C1orf94: variants seen among roughly 807,000 people sequenced by gnomAD.
C1orf94 encodes the protein chromosome 1 open reading frame 94, also known as uncharacterized protein C1orf94.
A neutral mutation model predicts 53.6 loss-of-function variants in C1orf94; 45 were observed. That is an observed-to-expected ratio of 0.84 (90% confidence interval 0.66 to 1.08). The LOEUF is 1.08. Among genes scored for constraint, C1orf94 ranks in the 50% least tolerant of loss-of-function variants. The pLI is 0.00. For synonymous variants in C1orf94, 304 were observed against 296.1 expected, an observed-to-expected ratio of 1.03 and a Z score of -0.27; for missense variants, 762 against 738.9, an observed-to-expected ratio of 1.03 and a Z score of -0.36.
chr1:34,200,749 A>G (rs1294274235), intron 2 of C1orf94, 23 bp from the exon 3 acceptor site: 1 of 1,613,090 alleles, frequency 6.2e-7, no homozygotes, highest in Non-Finnish European at 8.5e-7. Context: ...AGAGGCATTG[A>G]CTCAGTTTCT....
At chr1:34,184,688 G>C (rs371067413) in intron 1 of C1orf94, among the ~76,000 whole-genome samples, 1 of 152,216 alleles carries the variant, frequency 6.6e-6, no homozygotes, top group African/African-American at 2.4e-5. Context: ...TGGTGAGCAA[G>C]TGATATTTGG....
At position 34,178,139 on chromosome 1, in the gene C1orf94, A is replaced by G. The variant is rs559485545; in HGVS notation, c.320+30A>G. ...GTACCCCCCTACTCCATTGGCAGCA[A>G]GGGAGGAGGGAGGAGATGAAGTCTG... On this transcript the variant is annotated intron_variant, in intron 1 of 6. Transcript: ENST00000488417. 1.7e-4 allele frequency: 268 copies of G among 1,531,630 alleles called. No homozygotes were observed. In the Middle Eastern group the frequency reaches 3.1e-3, roughly 18 times the overall value. 94.9% of individuals were successfully genotyped at this position (1,531,630 alleles called of 1,614,324 possible).
intron 1 of C1orf94, among the ~76,000 whole-genome samples, chr1:34,179,604 G>A (rs1386138190): frequency 6.6e-6 from 1 of 152,254 alleles, no homozygotes; most frequent in Non-Finnish European, 1.5e-5. Flanking sequence ...TGCAAATTGA[G>A]GGTGATATGT....
chr1:34,208,338 G>A, intron 5 of C1orf94, 104 bp downstream of exon 5: 1 of 1,154,166 alleles, frequency 8.7e-7, no homozygotes, highest in Non-Finnish European at 1.3e-6. Context: ...CCAGACACCT[G>A]GCCCACCATT....
chr1:34,211,976 G>A (rs1051469155), intron 5 of C1orf94, among the ~76,000 whole-genome samples: 7 of 152,184 alleles, frequency 4.6e-5, no homozygotes, highest in Middle Eastern at 3.4e-3. Flanking sequence ...CACTAACAAC[G>A]TAGATAGTGT....
upstream of C1orf94, among the ~76,000 whole-genome samples, chr1:34,176,332 C>A (rs1440727093): frequency 6.6e-6 from 1 of 152,178 alleles, no homozygotes; most frequent in Admixed American, 6.5e-5. Context: ...GAAGCAACCC[C>A]CTGACTCTCG....
intron 1 of C1orf94, among the ~76,000 whole-genome samples, chr1:34,192,818 A>G (rs974835514): frequency 2.0e-5 from 3 of 152,208 alleles, no homozygotes; most frequent in Non-Finnish European, 2.9e-5. Context: ...GAAGCATTCC[A>G]TAGGAAGTGC....
At chr1:34,179,600 T>A (rs1464855878) in intron 1 of C1orf94, among the ~76,000 whole-genome samples, 2 of 152,240 alleles carry the variant, frequency 1.3e-5, no homozygotes, top group Admixed American at 1.3e-4. Context: ...CATTTGCAAA[T>A]TGAGGGTGAT....
chr1:34,185,175 T>C (rs1278953026), intron 1 of C1orf94, among the ~76,000 whole-genome samples: 17 of 151,960 alleles, frequency 1.1e-4, no homozygotes, highest in Admixed American at 1.1e-3. Flanking sequence ...TTTTACTTTA[T>C]TTTTAAATTT....
upstream of C1orf94, among the ~76,000 whole-genome samples, chr1:34,175,273 A>G (rs559979182): frequency 3.3e-5 from 5 of 151,592 alleles, no homozygotes; most frequent in South Asian, 1.0e-3. Flanking sequence ...GGGAACAGGA[A>G]GAGTGAGTGA....
chr1:34,198,633 C>T (rs2148618163), intron 2 of C1orf94, among the ~76,000 whole-genome samples: 1 of 152,362 alleles, frequency 6.6e-6, no homozygotes, highest in Non-Finnish European at 1.5e-5. Context: ...AGAGAGTGAT[C>T]ATACTCATGT....
At chr1:34,168,297 T>C (rs1217324702) in intron 1 of C1orf94, among the ~76,000 whole-genome samples, 1 of 151,870 alleles carries the variant, frequency 6.6e-6, no homozygotes, top group Admixed American at 6.6e-5. Flanking sequence ...ATTAATTAAT[T>C]AATTAATATA....
At chr1:34,181,244 A>G (rs539594437) in intron 1 of C1orf94, among the ~76,000 whole-genome samples, 31 of 152,084 alleles carry the variant, frequency 2.0e-4, no homozygotes, top group African/African-American at 7.0e-4. Flanking sequence ...TAAGCTAACC[A>G]CCTCTGGTTT....
In C1orf94 at chr1:34,197,284, T is replaced by G; in HGVS notation, c.380T>G (p.Leu127Arg). ...TCCTTGTTGGTGGAACAGGAGTTCC[T>G]AAGCCTCACCAAAGAGCACTCGATC... The part of the protein sequence containing the change: ...EISLLVEQEF[L>R]SLTKEHSILV... The change falls in exon 2 of 7, where the codon CTA (leucine) becomes CGA (arginine). Residue 127 changes from leucine to arginine, a missense_variant. Physicochemically the swap from Leu to Arg is moderately radical, Grantham distance 102. Transcript: ENST00000488417. The surrounding 1 kb of genome is among the most constrained non-coding windows in gnomAD (Gnocchi z 4.1). 6.4e-7 allele frequency: 1 copy of G among 1,552,514 alleles called. No homozygotes were observed. Among genetic ancestry groups the G allele is most frequent in the South Asian group, 1.2e-5 (1 of 84,250 alleles).
At chr1:34,173,936 G>A (rs1231478792), upstream of C1orf94, among the ~76,000 whole-genome samples, 1 of 152,208 alleles carries the variant, frequency 6.6e-6, no homozygotes, top group Non-Finnish European at 1.5e-5. Flanking sequence ...TGTGTTGGAG[G>A]AACATAACTC....
intron 4 of C1orf94, among the ~76,000 whole-genome samples, chr1:34,205,718 G>C (rs187893570): frequency 3.3e-4 from 50 of 152,236 alleles, no homozygotes; most frequent in East Asian, 3.1e-3. Context: ...AGGAGAAATG[G>C]GGAACAGTCT....
chr1:34,215,729 G>A (rs1218337689), intron 6 of C1orf94, among the ~76,000 whole-genome samples: 1 of 152,236 alleles, frequency 6.6e-6, no homozygotes, highest in Non-Finnish European at 1.5e-5. Context: ...CATTGGGCCA[G>A]GCACAGTGGC....
chr1:34,214,883 G>A lies in C1orf94; in HGVS notation c.1721+2477G>A, dbSNP rs1384398072. Among the ~76,000 whole-genome samples the A allele has an allele frequency of 2.6e-5, 4 of 152,188 alleles. No individual in the cohort carries two copies. In the East Asian group the frequency reaches 5.8e-4, roughly 22 times the overall value. ...GAGGCTGGGGAGACCAGGACCATGA[G>A]GTCGGAAAAATAATGTAAGGGATGC... On this transcript the variant is annotated intron_variant, in intron 6 of 6. Coordinates refer to ENST00000488417, the MANE Select transcript of C1orf94 (RefSeq NM_001134734.2).
intron 4 of C1orf94, among the ~76,000 whole-genome samples, chr1:34,204,113 C>T (rs753168520): frequency 6.6e-6 from 1 of 152,176 alleles, no homozygotes; most frequent in Admixed American, 6.5e-5. Flanking sequence ...ACTTCCAACT[C>T]GGCTTGTCCT....
Sources: allele counts gnomAD v4.1 joint callset (sites outside exome capture counted in the v4.1 genomes callset), GRCh38; gene constraint gnomAD v4.1.1; non-coding constraint Gnocchi (gnomAD v3.1); transcripts MANE v1.5; gene names NCBI Gene and HGNC (gene_info 2026-07-23, HGNC 2026-07-21).